The following DEAF1 variants were observed in gnomAD, a reference collection of about 807,000 sequenced individuals.
The protein encoded by DEAF1 is DEAF1 transcription factor.
Under a neutral mutation model 58.9 loss-of-function variants are expected in DEAF1, and 53 were observed. The observed-to-expected ratio is 0.90, with a 90% CI of 0.72 to 1.13. DEAF1 has a LOEUF of 1.13. Among genes scored for constraint, DEAF1 ranks in the 50% most tolerant of loss-of-function variants. The pLI is 0.00. For missense variants in DEAF1, 685 were observed against 791.4 expected (o/e 0.87, Z 1.61); for synonymous variants, 385 against 340.4 (o/e 1.13, Z -1.44).
chr11:678,554 A>G, intron 9 of DEAF1, 140 bp downstream of exon 9: 3 of 1,252,536 alleles, frequency 2.4e-6, no homozygotes, highest in Non-Finnish European at 3.5e-6. Context: ...AGTGGGCCAC[A>G]CTTTACCAGC....
intron 4 of DEAF1, 109 bp from the exon 5 acceptor site, chr11:687,106 G>A (rs1860627617): frequency 2.3e-5 from 35 of 1,521,158 alleles, no homozygotes; most frequent in Non-Finnish European, 2.9e-5. Flanking sequence ...GCGCCCCAGC[G>A]GCTCATGTGA....
Position 695,114 on chromosome 11 carries a change from G to C in DEAF1, c.-67C>G. 3 of 1,359,334 alleles carry C rather than the reference G, an allele frequency of 2.2e-6. No individual in the cohort carries two copies. The highest frequency in any genetic ancestry group is 2.9e-6 in the Non-Finnish European group (3 of 1,049,774). The allele number at this position is 1,359,334 out of a possible 1,614,324, so 84.2% of individuals were successfully genotyped here. ...GCCCGAAGCGCCGGTCGCGGAGCCC[G>C]AAGCGGGGCCCGAAGAGGACGCCCG... On this transcript the variant is annotated 5_prime_UTR_variant, in exon 1 of 12. Coordinates refer to ENST00000382409, the MANE Select transcript of DEAF1 (RefSeq NM_021008.4).
chr11:704,753 G>A (rs7941896), intron 1 of DEAF1: 865,073 of 867,080 alleles, frequency 1, 431,557 homozygotes, highest in East Asian at 1. Flanking sequence ...GGCCCGAGAG[G>A]CCAGCCTGGA....
Position 674,563 on chromosome 11 carries a change from C to T in DEAF1, c.1476G>A (p.Lys492=). ...TYREAATNQA[K]IHADAERKEQ... ...CCTTCCGCTCTGCGTCAGCGTGGAT[C>T]TTGGCCTGGTTTGTGGCAGCTTCTC... The change falls in exon 10 of 12, where the codon AAG becomes AAA. Residue 492 remains lysine, a synonymous_variant. Transcript: ENST00000382409. 6.2e-7 allele frequency: 1 copy of T among 1,614,114 alleles called. No homozygotes were observed. The highest frequency in any genetic ancestry group is 8.5e-7 in the Non-Finnish European group (1 of 1,180,026).
At chr11:680,899 G>C in intron 7 of DEAF1, 64 bp downstream of exon 7, 1 of 1,610,492 alleles carries the variant, frequency 6.2e-7, no homozygotes, top group Non-Finnish European at 8.5e-7. Context: ...TGGGAGTGGT[G>C]ACGAGAGAAG....
chr11:670,460 A>G (rs1859763142), intron 10 of DEAF1, among the ~76,000 whole-genome samples: 1 of 149,156 alleles, frequency 6.7e-6, no homozygotes, highest in Admixed American at 6.7e-5. Flanking sequence ...CACACCTGTA[A>G]TCCCAACACT....
At chr11:663,143 C>G (rs768871778) in intron 10 of DEAF1, among the ~76,000 whole-genome samples, 19 of 152,152 alleles carry the variant, frequency 1.2e-4, no homozygotes, top group Non-Finnish European at 2.2e-4. Flanking sequence ...AAGATGCTGT[C>G]TCTATAAAAA....
Position 644,415 on chromosome 11 carries a change from C to G in DEAF1, c.*135G>C. The G allele has an allele frequency of 4.1e-6, 3 of 736,760 alleles. No homozygotes were observed. Among genetic ancestry groups the G allele is most frequent in the Non-Finnish European group, 7.1e-6 (3 of 420,818 alleles). The allele number at this position is 736,760 out of a possible 1,614,324, so 45.6% of individuals were successfully genotyped here. The stretch of plus-strand genomic sequence containing the variant: ...CCATTCGCTTAAAGTGTGTTAATGA[C>G]TTGTCCAGCAAGTTTCTTTACCTTC... On this transcript the variant is annotated 3_prime_UTR_variant, in exon 12 of 12. Transcript: ENST00000382409. This position sits in a 1 kb window ranked among gnomAD's most constrained non-coding sequence, Gnocchi z 4.3.
At chr11:658,238 C>T (rs575696459) in intron 10 of DEAF1, among the ~76,000 whole-genome samples, 7 of 152,298 alleles carry the variant, frequency 4.6e-5, no homozygotes, top group African/African-American at 1.7e-4. Flanking sequence ...ACCATCCTGG[C>T]TAACACGGTG....
At chr11:650,820 G>T (rs1005765984) in intron 11 of DEAF1, among the ~76,000 whole-genome samples, 3 of 152,018 alleles carry the variant, frequency 2.0e-5, no homozygotes, top group African/African-American at 7.2e-5. Context: ...CTGGGCGTGG[G>T]GCGTGTATCT....
chr11:701,406 C>CTTTTT (rs71022955), intron 1 of DEAF1, among the ~76,000 whole-genome samples: 8 of 64,900 alleles, frequency 1.2e-4, no homozygotes, highest in African/African-American at 1.9e-4. Context: ...GACAAGGTTT[C>CTTTTT]TTTTTTTTTT....
chr11:695,501 G>T, upstream of DEAF1: 1 of 895,386 alleles, frequency 1.1e-6, no homozygotes, highest in Non-Finnish European at 1.5e-6. Flanking sequence ...GCGCAATTCT[G>T]CCTCTCAGAG....
intron 10 of DEAF1, chr11:654,575 C>A: frequency 2.2e-6 from 1 of 455,386 alleles, no homozygotes; most frequent in Non-Finnish European, 4.4e-6. Context: ...TACATTCATT[C>A]ACTGGAAGAC....
rs911752105 is a variant in DEAF1 at position 694,976 on chromosome 11, A to T, written c.72T>A (p.Ala24=). Residue 24 remains alanine (A), a synonymous_variant, in exon 1 of 12, where the codon GCT becomes GCA. Transcript: ENST00000382409. ...CCGCGGCCGCGGCCGCCGCCGCCACAGCGGCCGCGGCCGCCACCGCCGCCG... is the reference window on the plus strand; with the variant it reads ...CCGCGGCCGCGGCCGCCGCCGCCACTGCGGCCGCGGCCGCCACCGCCGCCG... ...AEAAAVAAAA[A]VAAAAAAAAG... The T allele has an allele frequency of 5.9e-6, 6 of 1,013,192 alleles. 1 individual carries two copies. Among genetic ancestry groups the T allele is most frequent in the Admixed American group, 5.3e-5 (1 of 18,844 alleles). 62.8% of individuals were successfully genotyped at this position (1,013,192 alleles called of 1,614,324 possible).
At position 684,848 on chromosome 11, in the gene DEAF1, C is replaced by T. The variant is rs777450511; in HGVS notation, c.870+50G>A. On this transcript the variant is annotated intron_variant, in intron 6 of 11. Transcript: ENST00000382409. The stretch of plus-strand genomic sequence containing the variant: ...CCAAGGGCTGTGGGACCCACTCAGC[C>T]GCCCCCAGCCCCACCAAGTCATCCT... The T allele has an allele frequency of 6.0e-6, 9 of 1,511,518 alleles. No individual in the cohort carries two copies. In the South Asian group the frequency reaches 7.2e-5, roughly 12 times the overall value. 93.6% of individuals were successfully genotyped at this position (1,511,518 alleles called of 1,614,324 possible).
At chr11:663,440 T>TCAA (rs759235371) in intron 10 of DEAF1, among the ~76,000 whole-genome samples, 7 of 152,264 alleles carry the variant, frequency 4.6e-5, no homozygotes, top group East Asian at 3.9e-4. Flanking sequence ...AGAGTGAGAC[T>TCAA]CAACAACAAC....
chr11:651,621 C>T (rs1053297164), intron 11 of DEAF1, among the ~76,000 whole-genome samples: 2 of 152,156 alleles, frequency 1.3e-5, no homozygotes, highest in South Asian at 2.1e-4. Flanking sequence ...CGGTGGCTCA[C>T]GCCTGTAATC....
chr11:655,824 TTTATTTATTATTA>T (rs1859023929), intron 10 of DEAF1, among the ~76,000 whole-genome samples: 1 of 127,498 alleles, frequency 7.8e-6, no homozygotes, highest in Non-Finnish European at 1.8e-5. Flanking sequence ...CTCTACTTTA[TTTATTTATTATTA>T]TTATTATTTT....
At chr11:704,870 C>G in intron 1 of DEAF1, 3 of 358,320 alleles carry the variant, frequency 8.4e-6, no homozygotes, top group South Asian at 6.3e-5. Context: ...GCCTGTTTCC[C>G]ACTTGGCCAC....
Sources: allele counts gnomAD v4.1 joint callset (sites outside exome capture counted in the v4.1 genomes callset), GRCh38; gene constraint gnomAD v4.1.1; non-coding constraint Gnocchi (gnomAD v3.1); transcripts MANE v1.5; gene names NCBI Gene and HGNC (gene_info 2026-07-23, HGNC 2026-07-21).